The following DYSF variants were observed in gnomAD, a reference collection of about 807,000 sequenced individuals.
DYSF encodes the protein dystrophy-associated fer-1-like 1.
DYSF carries 212 observed loss-of-function variants against 274.9 expected under a neutral mutation model. That is an observed-to-expected ratio of 0.77 (90% CI 0.69 to 0.86). The LOEUF (loss-of-function observed/expected upper bound fraction) is 0.86, where lower values mean the gene tolerates loss of function less well. Among genes scored for constraint, DYSF ranks in the 40% least tolerant of loss-of-function variants. DYSF has a pLI of 0.00. For missense variants in DYSF, 2,666 were observed against 2,783.2 expected, an observed-to-expected ratio of 0.96 and a Z score of 0.95; for synonymous variants, 1,091 against 1,078.7, an observed-to-expected ratio of 1.01 and a Z score of -0.22.
Position 71,667,317 on chromosome 2 carries a change from G to T in DYSF, c.5318-59G>T, listed in dbSNP as rs2095032436. The T allele has an allele frequency of 2.5e-6, 4 of 1,612,202 alleles. No individual in the cohort carries two copies. The Admixed American group carries it at 6.7e-5, about 27-fold the overall frequency. ...CCCTGCTCAGCCTGTTCACTGGGCA[G>T]CCCCATTATCTCTCGCTTCCCCAGC... On this transcript the variant is annotated intron_variant, in intron 47 of 55. Transcript: ENST00000410020.
rs888858717 is a variant in DYSF, at chr2:71,512,702, C to G, written c.461-538C>G. 2.0e-5 allele frequency among the ~76,000 whole-genome samples: 3 copies of G among 152,210 alleles called. No homozygotes were observed. The East Asian group carries it at 5.8e-4, about 29-fold the overall frequency. On this transcript the variant is annotated intron_variant, in intron 5 of 55. Transcript: ENST00000410020. The stretch of plus-strand genomic sequence containing the variant: ...CCATGGGAAAGATTCTAGAGTTTTT[C>G]TCTTAGTGAAGGGAGCTAGAAGCAA...
intron 1 of DYSF, among the ~76,000 whole-genome samples, chr2:71,478,266 C>A (rs542669465): frequency 4.1e-4 from 61 of 149,274 alleles, no homozygotes; most frequent in South Asian, 2.3e-3. Context: ...GGCTGGAGTG[C>A]AGTGGTGCCA....
At chr2:71,490,440 A>G (rs113260293) in intron 3 of DYSF, among the ~76,000 whole-genome samples, 19,232 of 152,114 alleles carry the variant, frequency 0.13, 3,193 homozygotes, top group African/African-American at 0.39. Flanking sequence ...CCCGGGTTCA[A>G]GTGATTCTCC....
At chr2:71,664,194 G>A (rs113634279) in intron 45 of DYSF, 74 bp from the exon 46 acceptor site, 16 of 1,601,752 alleles carry the variant, frequency 1.0e-5, no homozygotes, top group African/African-American at 6.7e-5. Context: ...GGGTAGTTTC[G>A]AGCTCTTGTC....
intron 41 of DYSF, among the ~76,000 whole-genome samples, chr2:71,633,753 G>T (rs372896129): frequency 1.5e-4 from 23 of 152,176 alleles, no homozygotes; most frequent in South Asian, 8.3e-4. Context: ...AAGGTTTAAC[G>T]TTATAACCTC....
At chr2:71,654,048 C>A (rs978089027) in intron 42 of DYSF, among the ~76,000 whole-genome samples, 1 of 152,110 alleles carries the variant, frequency 6.6e-6, no homozygotes, top group Non-Finnish European at 1.5e-5. Flanking sequence ...CAAGAAGTCT[C>A]TCAAATCACC....
chr2:71,543,832 G>A (rs567206780), intron 17 of DYSF, among the ~76,000 whole-genome samples: 7 of 152,012 alleles, frequency 4.6e-5, no homozygotes, highest in Admixed American at 6.5e-5. Context: ...GCTTCGGCTC[G>A]GCATCAGAGG....
chr2:71,650,962 A>G (rs1448419104), intron 42 of DYSF, among the ~76,000 whole-genome samples: 1 of 152,220 alleles, frequency 6.6e-6, no homozygotes, highest in East Asian at 1.9e-4. Context: ...GGATCAAATA[A>G]TAAAGATAAA....
At chr2:71,610,060 A>C (rs1382468619) in intron 36 of DYSF, among the ~76,000 whole-genome samples, 1 of 152,222 alleles carries the variant, frequency 6.6e-6, no homozygotes, top group Non-Finnish European at 1.5e-5. Context: ...GCACAAGGAC[A>C]CTGTGTCTAA....
Position 71,569,848 on chromosome 2 carries a change from C to T in DYSF, c.2893C>T (p.Leu965=). 1 of 1,614,108 alleles carries T rather than the reference C, an allele frequency of 6.2e-7. No homozygotes were observed. Among genetic ancestry groups the T allele is most frequent in the Non-Finnish European group, 8.5e-7 (1 of 1,180,030 alleles). ...GCTCCATGACATGGACGCCGGTCAC[C>T]TGAGCTTCGTGGAAGAGGTGTTTGA... is the stretch of plus-strand genomic sequence containing the variant. The part of the protein sequence containing the change: ...TLLHDMDAGH[L]SFVEEVFENQ... Residue 965 remains leucine, a synonymous_variant, in exon 27 of 56, where the codon CTG becomes TTG. Transcript: ENST00000410020.
chr2:71,582,776 A>G (rs1476097921), intron 30 of DYSF, among the ~76,000 whole-genome samples: 1 of 152,208 alleles, frequency 6.6e-6, no homozygotes, highest in Non-Finnish European at 1.5e-5. Context: ...CACTGAACAC[A>G]GAGCTGGGAA....
At chr2:71,567,922 G>C (rs766109653) in intron 24 of DYSF, 29 bp from the exon 25 acceptor site, 1 of 1,613,274 alleles carries the variant, frequency 6.2e-7, no homozygotes. Context: ...GAAGGGGACT[G>C]TGGGTTTCTG....
At chr2:71,669,960 C>G (rs1269207478) in intron 51 of DYSF, among the ~76,000 whole-genome samples, 1 of 152,214 alleles carries the variant, frequency 6.6e-6, no homozygotes, top group Non-Finnish European at 1.5e-5. Context: ...GTGATGGCCT[C>G]TGTCCCATCA....
At chr2:71,581,231 C>A (rs1022186863) in intron 30 of DYSF, among the ~76,000 whole-genome samples, 5 of 152,238 alleles carry the variant, frequency 3.3e-5, no homozygotes, top group African/African-American at 1.2e-4. Context: ...CTCGCGCCAG[C>A]CCACACGTGG....
intron 43 of DYSF, among the ~76,000 whole-genome samples, chr2:71,657,916 G>A (rs900815131): frequency 3.3e-5 from 5 of 152,166 alleles, no homozygotes; most frequent in African/African-American, 1.2e-4. Context: ...CATGGTCTTG[G>A]GGATTAACAT....
chr2:71,511,293 G>A (rs989716921), intron 4 of DYSF, among the ~76,000 whole-genome samples: 1 of 152,244 alleles, frequency 6.6e-6, no homozygotes, highest in African/African-American at 2.4e-5. Flanking sequence ...GCTAGCTGCA[G>A]CCTGAGCAAA....
intron 17 of DYSF, among the ~76,000 whole-genome samples, chr2:71,544,954 T>C (rs1225003658): frequency 1.3e-5 from 2 of 152,208 alleles, no homozygotes; most frequent in Non-Finnish European, 2.9e-5. Context: ...CTTAGAGTCC[T>C]GGCAGGCGAC....
intron 22 of DYSF, among the ~76,000 whole-genome samples, chr2:71,559,653 T>A (rs927142165): frequency 6.6e-6 from 1 of 152,210 alleles, no homozygotes; most frequent in African/African-American, 2.4e-5. Context: ...CTTGTGCACA[T>A]GCTGCTCCAT....
intron 1 of DYSF, among the ~76,000 whole-genome samples, chr2:71,468,561 A>G (rs2081718756): frequency 6.6e-6 from 1 of 152,068 alleles, no homozygotes. Context: ...AGATCTCTGT[A>G]TTCCTTCTTT....
Sources: gnomAD v4.1 joint callset for allele counts (sites outside exome capture counted in the v4.1 genomes callset) on GRCh38, gnomAD v4.1.1 for gene constraint, MANE v1.5 for transcripts, NCBI Gene and HGNC (gene_info 2026-07-23, HGNC 2026-07-21) for gene names.